The following MCM9 variants were observed in gnomAD, a reference collection of about 807,000 sequenced individuals.
The protein encoded by MCM9 is minichromosome maintenance 9 homologous recombination repair factor.
In MCM9, 55 loss-of-function variants were observed where a neutral mutation model predicts 72.8. That is an observed-to-expected ratio of 0.76 (90% CI 0.61 to 0.95). MCM9 has a LOEUF of 0.95. MCM9 is among the 40% of genes least tolerant of loss of function. The probability of loss-of-function intolerance (pLI) is 0.00; values close to 1 mark genes in which losing one functional copy is unlikely to be tolerated. For synonymous variants in MCM9, 480 were observed against 503.4 expected (o/e 0.95, Z 0.62); for missense variants, 1,279 against 1,377.0 (o/e 0.93, Z 1.13).
chr6:118,894,343 A>G lies in MCM9; in HGVS notation c.1150+17307T>C, dbSNP rs557229643. On this transcript the variant is annotated intron_variant, in intron 8 of 13. Coordinates refer to ENST00000619706, the MANE Select transcript of MCM9 (RefSeq NM_017696.3). ...TGGAGCGGGGGTCTGCGCTCTCCCG[A>G]GCGGCCGCGCGCTGGACTTTATTGT... 11 of 1,531,296 alleles carry G rather than the reference A, an allele frequency of 7.2e-6. No homozygotes were observed. The African/African-American group carries it at 1.5e-4, about 21-fold the overall frequency. The allele number at this position is 1,531,296 out of a possible 1,614,324, so 94.9% of individuals were successfully genotyped here. A position where few individuals can be genotyped will look rare whatever the true frequency, so the allele number is the denominator to read the frequency against.
At chr6:118,902,342 A>G (rs1260158216) in intron 8 of MCM9, among the ~76,000 whole-genome samples, 2 of 152,200 alleles carry the variant, frequency 1.3e-5, no homozygotes, top group African/African-American at 4.8e-5. Flanking sequence ...ATAAAACAGT[A>G]TAATCAGTCA....
chr6:118,832,365 T>C (rs531349906), intron 9 of MCM9, among the ~76,000 whole-genome samples: 9 of 152,332 alleles, frequency 5.9e-5, no homozygotes, highest in African/African-American at 2.2e-4. Flanking sequence ...GCCCAGCCTA[T>C]TTTTGTCCTA....
At chr6:118,843,669 T>TATATATATATAC (rs1554257114) in intron 9 of MCM9, among the ~76,000 whole-genome samples, 1 of 48,858 alleles carries the variant, frequency 2.0e-5, no homozygotes, top group Non-Finnish European at 3.5e-5. Context: ...TATATATATA[T>TATATATATATAC]GTATGTATAT....
intron 6 of MCM9, among the ~76,000 whole-genome samples, chr6:118,916,469 A>ATTATTATT (rs1780970273): frequency 1.4e-5 from 2 of 146,732 alleles, no homozygotes; most frequent in African/African-American, 2.5e-5. Flanking sequence ...TATTATTATT[A>ATTATTATT]TTATTATGAG....
intron 8 of MCM9, among the ~76,000 whole-genome samples, chr6:118,869,105 T>G (rs1252342841): frequency 6.6e-6 from 1 of 152,188 alleles, no homozygotes; most frequent in Non-Finnish European, 1.5e-5. Flanking sequence ...TGAGTTCACG[T>G]CCTTTGCAGG....
intron 8 of MCM9, among the ~76,000 whole-genome samples, chr6:118,876,915 T>C (rs988446538): frequency 3.3e-5 from 5 of 152,142 alleles, no homozygotes; most frequent in African/African-American, 1.2e-4. Flanking sequence ...ATATATCCCC[T>C]CCCCTTGAAT....
At chr6:118,865,823 T>G (rs1314853242) in intron 8 of MCM9, among the ~76,000 whole-genome samples, 1 of 147,082 alleles carries the variant, frequency 6.8e-6, no homozygotes, top group Admixed American at 7.0e-5. Context: ...GATGGGACTT[T>G]GCATTCTTGA....
chr6:118,859,946 A>G (rs1776800547), intron 8 of MCM9, among the ~76,000 whole-genome samples: 1 of 152,210 alleles, frequency 6.6e-6, no homozygotes, highest in Non-Finnish European at 1.5e-5. Context: ...GCCCAGGGAC[A>G]CAAGCTCACT....
intron 9 of MCM9, among the ~76,000 whole-genome samples, chr6:118,853,804 CAA>C (rs1346844068): frequency 6.6e-6 from 1 of 152,104 alleles, no homozygotes; most frequent in African/African-American, 2.4e-5. Context: ...GTCTCAAAAA[CAA>C]ATTTTTTTTT....
At chr6:118,891,530 G>A (rs967751419) in intron 8 of MCM9, among the ~76,000 whole-genome samples, 1 of 152,042 alleles carries the variant, frequency 6.6e-6, no homozygotes, top group Non-Finnish European at 1.5e-5. Context: ...GCTTGCAAAT[G>A]GCCACCTTTT....
intron 9 of MCM9, among the ~76,000 whole-genome samples, chr6:118,845,957 A>C (rs1775834234): frequency 6.6e-6 from 1 of 151,842 alleles, no homozygotes; most frequent in Non-Finnish European, 1.5e-5. Context: ...AACAAATCTC[A>C]TTCCATTTCT....
chr6:118,820,142 G>T (rs1773700081), intron 13 of MCM9, among the ~76,000 whole-genome samples: 1 of 151,998 alleles, frequency 6.6e-6, no homozygotes. Flanking sequence ...TCTGATCTTA[G>T]TTATTTCTTG....
intron 9 of MCM9, among the ~76,000 whole-genome samples, chr6:118,843,726 A>G (rs536612296): frequency 0.041 from 5,554 of 135,400 alleles, 264 homozygotes; most frequent in East Asian, 0.13. Flanking sequence ...ATATGTATAT[A>G]TATATATATA....
intron 8 of MCM9, among the ~76,000 whole-genome samples, chr6:118,861,709 G>C (rs1368762101): frequency 6.6e-6 from 1 of 152,168 alleles, no homozygotes; most frequent in Admixed American, 6.5e-5. Flanking sequence ...GGGCTCAGAA[G>C]GGAGGAAGTG....
intron 8 of MCM9, among the ~76,000 whole-genome samples, chr6:118,886,458 T>C (rs150901578): frequency 1.5e-3 from 228 of 151,158 alleles, no homozygotes; most frequent in Middle Eastern, 6.8e-3. Context: ...ATACACAAAA[T>C]CCTAAGAAAT....
chr6:118,880,585 T>C (rs577149284), intron 8 of MCM9, among the ~76,000 whole-genome samples: 2 of 152,316 alleles, frequency 1.3e-5, no homozygotes, highest in East Asian at 1.9e-4. Flanking sequence ...GTTAATTCCT[T>C]GAATGCAAAA....
chr6:118,885,826 T>C (rs988976362), intron 8 of MCM9, among the ~76,000 whole-genome samples: 1 of 152,150 alleles, frequency 6.6e-6, no homozygotes, highest in Non-Finnish European at 1.5e-5. Flanking sequence ...ATAGGCAGTA[T>C]TGCCCACAGA....
At chr6:118,831,280 C>T (rs1583358897) in intron 9 of MCM9, among the ~76,000 whole-genome samples, 1 of 127,026 alleles carries the variant, frequency 7.9e-6, no homozygotes, top group Admixed American at 1.0e-4. Flanking sequence ...TGAGCCTGGG[C>T]GGTGGAGGCT....
At chr6:118,865,438 A>G (rs1306793068) in intron 8 of MCM9, among the ~76,000 whole-genome samples, 1 of 152,222 alleles carries the variant, frequency 6.6e-6, no homozygotes, top group Non-Finnish European at 1.5e-5. Context: ...CTTAGATCAC[A>G]GAACAAAGGG....
Sources: gnomAD v4.1 joint callset for allele counts (sites outside exome capture counted in the v4.1 genomes callset) on GRCh38, gnomAD v4.1.1 for gene constraint, MANE v1.5 for transcripts, NCBI Gene and HGNC (gene_info 2026-07-23, HGNC 2026-07-21) for gene names.